The following NRXN3 variants were observed in gnomAD, a reference collection of about 807,000 sequenced individuals.
NRXN3 encodes the protein neurexin III.
Under a neutral mutation model 137.6 loss-of-function variants are expected in NRXN3, and 32 were observed. The observed-to-expected ratio is 0.23, with a 90% confidence interval of 0.18 to 0.31. The LOEUF is 0.31. Ranked by LOEUF, NRXN3 falls within the 10% of genes least tolerant of loss-of-function variation. The pLI is 1.00. For synonymous variants in NRXN3, 798 were observed against 784.5 expected, an observed-to-expected ratio of 1.02 and a Z score of -0.29; for missense variants, 1,574 against 2,062.5, an observed-to-expected ratio of 0.76 and a Z score of 4.59.
At chr14:79,143,681 A>T (rs1347305152) in intron 15 of NRXN3, among the ~76,000 whole-genome samples, 2 of 152,218 alleles carry the variant, frequency 1.3e-5, no homozygotes, top group African/African-American at 4.8e-5. Flanking sequence ...AGGAGTCATA[A>T]TGGCTTTGCT....
chr14:78,756,531 C>T (rs528830505), intron 8 of NRXN3, among the ~76,000 whole-genome samples: 1 of 133,768 alleles, frequency 7.5e-6, no homozygotes, highest in South Asian at 2.4e-4. Context: ...GGGTGACAGA[C>T]TGGGATTCTG....
chr14:79,560,190 T>C (rs560582388), intron 16 of NRXN3, among the ~76,000 whole-genome samples: 1 of 152,282 alleles, frequency 6.6e-6, no homozygotes, highest in East Asian at 1.9e-4. Context: ...GAATGCCTTT[T>C]CATGTGAAAA....
At chr14:78,830,492 T>C (rs1488643920) in intron 10 of NRXN3, among the ~76,000 whole-genome samples, 1 of 152,168 alleles carries the variant, frequency 6.6e-6, no homozygotes, top group Non-Finnish European at 1.5e-5. Flanking sequence ...AGAGATTACA[T>C]TGTGTAACAT....
chr14:78,868,763 G>A (rs1328765081), intron 10 of NRXN3, among the ~76,000 whole-genome samples: 1 of 151,966 alleles, frequency 6.6e-6, no homozygotes, highest in Non-Finnish European at 1.5e-5. Flanking sequence ...GGAGGTTGTG[G>A]TGAGCCGAGA....
intron 4 of NRXN3, among the ~76,000 whole-genome samples, chr14:78,477,758 A>G (rs960895307): frequency 2.0e-5 from 3 of 152,252 alleles, no homozygotes; most frequent in South Asian, 2.1e-4. Flanking sequence ...TAAAAAGGAT[A>G]AAAGCAGAAA....
intron 3 of NRXN3, among the ~76,000 whole-genome samples, chr14:78,286,658 C>T (rs558196971): frequency 2.2e-4 from 34 of 152,172 alleles, no homozygotes; most frequent in African/African-American, 7.5e-4. Context: ...GCAGGTGGTC[C>T]GCTAATGCTG....
chr14:78,681,745 C>T (rs929604088), intron 6 of NRXN3, among the ~76,000 whole-genome samples: 7 of 152,228 alleles, frequency 4.6e-5, no homozygotes, highest in South Asian at 2.1e-4. Context: ...ATTTCCCATT[C>T]GCACCCCATG....
intron 16 of NRXN3, among the ~76,000 whole-genome samples, chr14:79,660,794 C>T (rs1026984151): frequency 7.2e-5 from 11 of 152,074 alleles, no homozygotes; most frequent in Non-Finnish European, 1.5e-4. Context: ...ACTGGTTTCT[C>T]ATTGAAGAAC....
intron 2 of NRXN3, among the ~76,000 whole-genome samples, chr14:78,254,941 A>C (rs992415371): frequency 7.9e-5 from 12 of 152,072 alleles, no homozygotes; most frequent in East Asian, 1.9e-4. Context: ...CCCTGTGCGA[A>C]AATGCTTCTT....
intron 4 of NRXN3, among the ~76,000 whole-genome samples, chr14:78,523,943 T>C (rs1405312585): frequency 6.6e-6 from 1 of 151,460 alleles, no homozygotes; most frequent in Non-Finnish European, 1.5e-5. Flanking sequence ...CATACTCAAA[T>C]GAATTTCCTT....
intron 20 of NRXN3, among the ~76,000 whole-genome samples, chr14:79,817,519 T>C (rs982531926): frequency 6.6e-6 from 1 of 152,220 alleles, no homozygotes; most frequent in African/African-American, 2.4e-5. Flanking sequence ...GTACTTCACA[T>C]TGTTAACTAC....
intron 15 of NRXN3, among the ~76,000 whole-genome samples, chr14:79,091,629 T>G (rs781283596): frequency 6.6e-6 from 1 of 152,156 alleles, no homozygotes; most frequent in African/African-American, 2.4e-5. Flanking sequence ...GAGGGTATTA[T>G]TGTAAAGGTG....
chr14:79,797,148 T>A (rs1312161372), intron 19 of NRXN3, among the ~76,000 whole-genome samples: 1 of 152,224 alleles, frequency 6.6e-6, no homozygotes, highest in Admixed American at 6.5e-5. Flanking sequence ...TTCAGAATAT[T>A]TTTTTAATTC....
intron 8 of NRXN3, among the ~76,000 whole-genome samples, chr14:78,768,102 A>C (rs1017560985): frequency 9.9e-5 from 15 of 151,466 alleles, no homozygotes; most frequent in African/African-American, 3.4e-4. Flanking sequence ...AAGTACAGAT[A>C]GGTAACTAGG....
At chr14:78,938,842 A>AT (rs1312407059) in intron 10 of NRXN3, among the ~76,000 whole-genome samples, 1 of 134,382 alleles carries the variant, frequency 7.4e-6, no homozygotes. Context: ...GTCCAGAGTG[A>AT]TTTTTCTTTT....
At chr14:79,621,661 C>T (rs924416356) in intron 16 of NRXN3, among the ~76,000 whole-genome samples, 2 of 152,188 alleles carry the variant, frequency 1.3e-5, no homozygotes, top group African/African-American at 2.4e-5. Context: ...ACTTTCTCCA[C>T]CATGGGTAAA....
chr14:79,827,468 AGT>A (rs1034120962), intron 20 of NRXN3, among the ~76,000 whole-genome samples: 3 of 152,132 alleles, frequency 2.0e-5, no homozygotes, highest in African/African-American at 7.2e-5. Context: ...AAAATAAGGA[AGT>A]GTGTTAGGCT....
chr14:79,298,174 G>A (rs2084516362), intron 15 of NRXN3, among the ~76,000 whole-genome samples: 1 of 151,866 alleles, frequency 6.6e-6, no homozygotes, highest in Non-Finnish European at 1.5e-5. Flanking sequence ...ATTTGTATGA[G>A]CAGATTGATT....
At chr14:78,601,454 ATTCT>A (rs1385548730) in intron 4 of NRXN3, among the ~76,000 whole-genome samples, 1 of 146,092 alleles carries the variant, frequency 6.8e-6, no homozygotes, top group Non-Finnish European at 1.5e-5. Context: ...AAAAGTACTG[ATTCT>A]TTTTTTTTTT....
Sources: gnomAD v4.1 joint callset for allele counts (sites outside exome capture counted in the v4.1 genomes callset) on GRCh38, gnomAD v4.1.1 for gene constraint, MANE v1.5 for transcripts, NCBI Gene and HGNC (gene_info 2026-07-23, HGNC 2026-07-21) for gene names.